The following DPP6 variants were observed in gnomAD, a reference collection of about 807,000 sequenced individuals.
DPP6 encodes the protein A-type potassium channel modulatory protein DPP6.
Under a neutral mutation model 122.6 loss-of-function variants are expected in DPP6, and 69 were observed. The observed-to-expected ratio is 0.56, with a 90% CI of 0.46 to 0.69. The LOEUF (loss-of-function observed/expected upper bound fraction) is 0.69. Among genes scored for constraint, DPP6 ranks in the 30% least tolerant of loss-of-function variants. The pLI, the probability that DPP6 is intolerant of heterozygous loss-of-function variation, is 0.00. For missense variants in DPP6, 928 were observed against 1,116.9 expected (o/e 0.83, Z 2.41); for synonymous variants, 418 against 433.1 (o/e 0.97, Z 0.43).
chr7:154,098,619 G>C (rs1158950154), intron 1 of DPP6, among the ~76,000 whole-genome samples: 1 of 151,432 alleles, frequency 6.6e-6, no homozygotes, highest in Non-Finnish European at 1.5e-5. Flanking sequence ...TGAGCTCCAG[G>C]GATTGGCTCT....
chr7:154,418,927 A>G (rs546754579), intron 1 of DPP6, among the ~76,000 whole-genome samples: 72 of 152,352 alleles, frequency 4.7e-4, no homozygotes, highest in Non-Finnish European at 9.0e-4. Context: ...TGTGCATTCC[A>G]GACCCTCCAG....
At chr7:154,195,988 C>T (rs1224721809) in intron 1 of DPP6, among the ~76,000 whole-genome samples, 3 of 152,186 alleles carry the variant, frequency 2.0e-5, no homozygotes, top group African/African-American at 4.8e-5. Context: ...TCTCTGAAAA[C>T]ACCTCATGTA....
At chr7:154,340,088 A>AG (rs1362174801) in intron 1 of DPP6, among the ~76,000 whole-genome samples, 2 of 152,094 alleles carry the variant, frequency 1.3e-5, no homozygotes, top group Non-Finnish European at 2.9e-5. Flanking sequence ...GAAAAAAAAA[A>AG]TTAATGTGGT....
At chr7:154,731,902 G>T (rs1842356477) in intron 8 of DPP6, among the ~76,000 whole-genome samples, 1 of 152,174 alleles carries the variant, frequency 6.6e-6, no homozygotes, top group Admixed American at 6.5e-5. Context: ...ATTTTGCAAA[G>T]TTCCTAGTAT....
At chr7:154,659,856 C>G (rs547450952) in intron 6 of DPP6, among the ~76,000 whole-genome samples, 55 of 152,356 alleles carry the variant, frequency 3.6e-4, no homozygotes, top group African/African-American at 1.3e-3. Flanking sequence ...ACAATTACCT[C>G]TTTGGACTAT....
chr7:153,943,662 A>G (rs922682635), intron 1 of DPP6, among the ~76,000 whole-genome samples: 3 of 152,182 alleles, frequency 2.0e-5, no homozygotes, highest in Admixed American at 1.3e-4. Flanking sequence ...ACTCAGCTCC[A>G]TTCAGCTCCA....
chr7:154,295,944 C>CTTT (rs146439433), intron 1 of DPP6, among the ~76,000 whole-genome samples: 2 of 112,790 alleles, frequency 1.8e-5, no homozygotes, highest in South Asian at 2.9e-4. Flanking sequence ...ACAGTTGCTT[C>CTTT]TTTTTTTTTT....
intron 6 of DPP6, among the ~76,000 whole-genome samples, chr7:154,661,728 G>A (rs765129217): frequency 2.8e-5 from 4 of 144,166 alleles, no homozygotes; most frequent in Non-Finnish European, 3.1e-5. Context: ...TGGCCGTAGT[G>A]TTCATATAGT....
At chr7:154,026,696 T>A (rs1341268093) in intron 1 of DPP6, 2 of 151,110 alleles carry the variant, frequency 1.3e-5, no homozygotes, top group Non-Finnish European at 3.0e-5. Context: ...TTTAACTGGG[T>A]AAGAGCAAAA....
Position 154,384,737 on chromosome 7 carries a change from C to CTT in DPP6, c.244-61474_244-61473dup, listed in dbSNP as rs757829890. ...TCTTTTTTTCTTTCTTTCTTTCTTT[C>CTT]TTTTATTTTTTTTTGAGACAGAGTC... On this transcript the variant is annotated intron_variant, in intron 1 of 25. Transcript: ENST00000377770. Among the ~76,000 whole-genome samples the CTT allele has an allele frequency of 2.2e-3, 160 of 74,378 alleles. 6 individuals carry two copies. The highest frequency in any genetic ancestry group is 5.0e-3 in the African/African-American group (158 of 31,580). The allele number at this position is 74,378 out of a possible 152,430, so 48.8% of individuals were successfully genotyped here. A position where few individuals can be genotyped will look rare whatever the true frequency, so the allele number is the denominator to read the frequency against.
chr7:153,762,617 A>T, the DPP6 span, among the ~76,000 whole-genome samples: 1 of 114,576 alleles, frequency 8.7e-6, no homozygotes, highest in Non-Finnish European at 1.8e-5. Flanking sequence ...CTAAAAATAC[A>T]AAAAAAAAAA....
chr7:154,114,999 G>A (rs962823653), intron 1 of DPP6, among the ~76,000 whole-genome samples: 3 of 152,220 alleles, frequency 2.0e-5, no homozygotes, highest in African/African-American at 7.2e-5. Context: ...GACGGCAAGA[G>A]TTATGAGGTG....
intron 1 of DPP6, among the ~76,000 whole-genome samples, chr7:154,115,026 T>G (rs972602095): frequency 2.6e-5 from 4 of 152,174 alleles, no homozygotes; most frequent in Non-Finnish European, 5.9e-5. Context: ...TGGGTTCACA[T>G]CTTGTTTTCT....
At chr7:154,096,240 A>C (rs1805310409) in intron 1 of DPP6, among the ~76,000 whole-genome samples, 1 of 73,794 alleles carries the variant, frequency 1.4e-5, no homozygotes, top group African/African-American at 5.7e-5. Context: ...TTTTATGCAC[A>C]CAAAGATTTA....
intron 1 of DPP6, among the ~76,000 whole-genome samples, chr7:154,205,515 A>T (rs148250256): frequency 6.6e-6 from 1 of 152,234 alleles, no homozygotes; most frequent in South Asian, 2.1e-4. Flanking sequence ...TATGGTTTCA[A>T]TCTTGGAGGA....
chr7:154,807,622 G>A (rs1330103054), intron 16 of DPP6, among the ~76,000 whole-genome samples: 1 of 152,156 alleles, frequency 6.6e-6, no homozygotes, highest in South Asian at 2.1e-4. Context: ...AGGAGTTCGA[G>A]ACCTGCCTGG....
chr7:153,839,465 G>A, the DPP6 span, among the ~76,000 whole-genome samples: 1 of 152,154 alleles, frequency 6.6e-6, no homozygotes, highest in Non-Finnish European at 1.5e-5. Context: ...GACCCTGAAC[G>A]CTAACCAGAA....
At chr7:154,152,510 C>T (rs1223633661) in intron 1 of DPP6, among the ~76,000 whole-genome samples, 1 of 152,140 alleles carries the variant, frequency 6.6e-6, no homozygotes, top group African/African-American at 2.4e-5. Context: ...ACTGAGATGC[C>T]TCTTGTATGG....
chr7:154,707,965 C>T (rs1340458417), intron 7 of DPP6, among the ~76,000 whole-genome samples: 1 of 152,174 alleles, frequency 6.6e-6, no homozygotes, highest in Non-Finnish European at 1.5e-5. Context: ...CCATGTCATC[C>T]TCTATCCATC....
Sources: gnomAD v4.1 joint callset for allele counts (sites outside exome capture counted in the v4.1 genomes callset) on GRCh38, gnomAD v4.1.1 for gene constraint, MANE v1.5 for transcripts, NCBI Gene and HGNC (gene_info 2026-07-23, HGNC 2026-07-21) for gene names.